PPARA: variants seen among roughly 807,000 people sequenced by gnomAD.
PPARA encodes peroxisome proliferator-activated receptor alpha.
In PPARA, 22 loss-of-function variants were observed where a neutral mutation model predicts 42.2. The observed-to-expected ratio is 0.52, with a 90% CI of 0.37 to 0.74. The LOEUF (loss-of-function observed/expected upper bound fraction) is 0.74. Ranked by LOEUF, PPARA falls within the 30% of genes least tolerant of loss-of-function variation. The probability of loss-of-function intolerance (pLI) is 0.00; values close to 1 mark genes in which losing one functional copy is unlikely to be tolerated. For missense variants in PPARA, 465 were observed against 608.2 expected, an observed-to-expected ratio of 0.76 and a Z score of 2.48; for synonymous variants, 242 against 239.3, an observed-to-expected ratio of 1.01 and a Z score of -0.10.
intron 7 of PPARA, among the ~76,000 whole-genome samples, chr22:46,223,810 C>G (rs545897718): frequency 7.9e-5 from 12 of 151,194 alleles, no homozygotes; most frequent in Admixed American, 4.6e-4. Context: ...ATTAGCCGGG[C>G]ATGGCAGTGT....
intron 4 of PPARA, among the ~76,000 whole-genome samples, chr22:46,207,651 TTATTA>T (rs1569228022): frequency 4.9e-4 from 52 of 105,918 alleles, no homozygotes; most frequent in African/African-American, 2.5e-3. Flanking sequence ...TAATTTATTA[TTATTA>T]TTATTATTAT....
At chr22:46,152,303 T>A (rs1924566354) in intron 2 of PPARA, among the ~76,000 whole-genome samples, 1 of 152,100 alleles carries the variant, frequency 6.6e-6, no homozygotes, top group African/African-American at 2.4e-5. Flanking sequence ...CATGCCCAGC[T>A]AATTTTTGTA....
chr22:46,229,087 A>T (rs953836364), intron 7 of PPARA, among the ~76,000 whole-genome samples: 3 of 149,916 alleles, frequency 2.0e-5, no homozygotes, highest in African/African-American at 7.6e-5. Flanking sequence ...AGCCTGGGCA[A>T]CAGAGCGAGA....
At chr22:46,155,913 A>G (rs1925237271) in intron 2 of PPARA, 1 of 152,254 alleles carries the variant, frequency 6.6e-6, no homozygotes, top group South Asian at 2.1e-4. Flanking sequence ...AGCACCATGC[A>G]GGCATATTTT....
rs1308721566 is a variant in PPARA, at chr22:46,190,248, G to T, written c.-42-8094G>T. On this transcript the variant is annotated intron_variant, in intron 3 of 8. Coordinates refer to ENST00000407236, the MANE Select transcript of PPARA (RefSeq NM_005036.6). This position sits in a 1 kb window ranked among gnomAD's most constrained non-coding sequence, Gnocchi z 5.6. Reference sequence around the variant, plus strand: ...CCCAGCAACACTACTCGTTTGAGAAGACTTCCATCCTTTACCCTCAAAGTG... The same window carrying T: ...CCCAGCAACACTACTCGTTTGAGAATACTTCCATCCTTTACCCTCAAAGTG... Among the ~76,000 whole-genome samples, 1 of 152,214 alleles carries T rather than the reference G, an allele frequency of 6.6e-6. No homozygotes were observed. The highest frequency in any genetic ancestry group is 1.9e-4 in the East Asian group (1 of 5,196).
At chr22:46,197,119 G>A (rs1421773488) in intron 3 of PPARA, among the ~76,000 whole-genome samples, 2 of 148,766 alleles carry the variant, frequency 1.3e-5, no homozygotes, top group Non-Finnish European at 3.0e-5. Context: ...GCACCATCTC[G>A]GCTCACTGCA....
chr22:46,151,408 C>T (rs1349184556), intron 1 of PPARA, among the ~76,000 whole-genome samples: 1 of 152,210 alleles, frequency 6.6e-6, no homozygotes, highest in African/African-American at 2.4e-5. Flanking sequence ...CTGCGCGGCC[C>T]GCGTGGTGCG....
rs1365396761 is a variant in PPARA, at chr22:46,222,076, C to G, written c.711+2062C>G. On this transcript the variant is annotated intron_variant, in intron 7 of 8. Transcript: ENST00000407236. The surrounding 1 kb of genome is among the most constrained non-coding windows in gnomAD (Gnocchi z 5.9). ...TGGGCAACAGAGTGAGACTCTGTCT[C>G]AAAAAAAAAAAGAAAGGAAAAGAAA... Among the ~76,000 whole-genome samples, 1 of 140,966 alleles carries G rather than the reference C, an allele frequency of 7.1e-6. No homozygotes were observed. Among genetic ancestry groups the G allele is most frequent in the African/African-American group, 2.6e-5 (1 of 38,494 alleles). The allele number at this position is 140,966 out of a possible 152,430, so 92.5% of individuals were successfully genotyped here.
Position 46,150,736 on chromosome 22 carries a change from G to T in PPARA, c.-210+84G>T, listed in dbSNP as rs1439469727. On this transcript the variant is annotated intron_variant, in intron 1 of 8. Transcript: ENST00000407236. This position sits in a 1 kb window ranked among gnomAD's most constrained non-coding sequence, Gnocchi z 7.5. ...CTTCCCAGGTCCCGGGACCCGGAGGGCGGCGGACGGGGGAGGGGCAGGGGC... is the reference window on the plus strand; with the variant it reads ...CTTCCCAGGTCCCGGGACCCGGAGGTCGGCGGACGGGGGAGGGGCAGGGGC... 4 of 150,400 alleles carry T rather than the reference G, an allele frequency of 2.7e-5. No homozygotes were observed. The East Asian group carries it at 7.9e-4, about 30-fold the overall frequency. 9.3% of individuals were successfully genotyped at this position (150,400 alleles called of 1,614,324 possible).
rs1428715592 is a variant in PPARA at position 46,173,934 on chromosome 22, G to GTAATCCCAGCACTT, written c.-126-2818_-126-2817insAATCCCAGCACTTT. 1.6e-3 allele frequency among the ~76,000 whole-genome samples: 239 copies of GTAATCCCAGCACTT among 152,106 alleles called. No individual in the cohort carries two copies. The highest frequency in any genetic ancestry group is 5.5e-3 in the African/African-American group (226 of 41,456). ...AGAAAGAAATTATGGGCTAGGTGCA[G>GTAATCCCAGCACTT]TGGCTCATGCCTGTAATCCCAGCAC... On this transcript the variant is annotated intron_variant, in intron 2 of 8. Transcript: ENST00000407236. This position sits in a 1 kb window ranked among gnomAD's most constrained non-coding sequence, Gnocchi z 4.3.
intron 3 of PPARA, among the ~76,000 whole-genome samples, chr22:46,189,536 T>A (rs986916238): frequency 2.1e-4 from 32 of 152,202 alleles, no homozygotes; most frequent in African/African-American, 7.7e-4. Context: ...GCAAACTATT[T>A]ATGATGTATT....
rs1217596958 is a variant in PPARA, at chr22:46,211,983, C to T, written c.209-3190C>T. ...TTGGGATTACAGGCGTGAGCCACCA[C>T]ACCCGGTCTCTCTCCTTCCTTTCCT... On this transcript the variant is annotated intron_variant, in intron 4 of 8. Coordinates refer to ENST00000407236, the MANE Select transcript of PPARA (RefSeq NM_005036.6). This position sits in a 1 kb window ranked among gnomAD's most constrained non-coding sequence, Gnocchi z 4.1. Among the ~76,000 whole-genome samples, 2 of 151,344 alleles carry T rather than the reference C, an allele frequency of 1.3e-5. No homozygotes were observed. The highest frequency in any genetic ancestry group is 2.9e-5 in the Non-Finnish European group (2 of 67,852).
rs1301580319 is a variant in PPARA at position 46,233,814 on chromosome 22, CAA to C, written c.1160-1316_1160-1315del. Among the ~76,000 whole-genome samples, 1 of 150,202 alleles carries C rather than the reference CAA, an allele frequency of 6.7e-6. No individual in the cohort carries two copies. Among genetic ancestry groups the C allele is most frequent in the Non-Finnish European group, 1.5e-5 (1 of 67,600 alleles). On this transcript the variant is annotated intron_variant, in intron 8 of 8. Coordinates refer to ENST00000407236, the MANE Select transcript of PPARA (RefSeq NM_005036.6). The surrounding 1 kb of genome is among the most constrained non-coding windows in gnomAD (Gnocchi z 7.3). ...ATTATGAGGGGGGATTTCTATTTTT[CAA>C]AAGATTCCTCCTTTTTTTTTTTTTT...
At position 46,162,726 on chromosome 22, in the gene PPARA, C is replaced by T. The variant is rs572148024; in HGVS notation, c.-127+10756C>T. On this transcript the variant is annotated intron_variant, in intron 2 of 8. Coordinates refer to ENST00000407236, the MANE Select transcript of PPARA (RefSeq NM_005036.6). The surrounding 1 kb of genome is among the most constrained non-coding windows in gnomAD (Gnocchi z 6.0). ...GGAGCCTGTGGCTCCTGCCGGGTAC[C>T]CACCGGTTGAGATACCTCAAGTTTT... 2.0e-5 allele frequency among the ~76,000 whole-genome samples: 3 copies of T among 152,122 alleles called. No individual in the cohort carries two copies. The highest frequency in any genetic ancestry group is 4.4e-5 in the Non-Finnish European group (3 of 68,032).
At position 46,161,919 on chromosome 22, in the gene PPARA, C is replaced by T. The variant is rs1441054565; in HGVS notation, c.-127+9949C>T. Among the ~76,000 whole-genome samples, 1 of 152,196 alleles carries T rather than the reference C, an allele frequency of 6.6e-6. No homozygotes were observed. The highest frequency in any genetic ancestry group is 1.5e-5 in the Non-Finnish European group (1 of 68,044). On this transcript the variant is annotated intron_variant, in intron 2 of 8. Transcript: ENST00000407236. The surrounding 1 kb of genome is among the most constrained non-coding windows in gnomAD (Gnocchi z 4.8). ...ACCTTTGTGAGCTTGAAACCTGTCA[C>T]CCACCCGCCTTCCAGATGTCACCTG...
rs1935231189 is a variant in PPARA, at chr22:46,224,274, CA to C, written c.711+4261del. 6.6e-6 allele frequency among the ~76,000 whole-genome samples: 1 copy of C among 152,068 alleles called. No homozygotes were observed. Among genetic ancestry groups the C allele is most frequent in the Non-Finnish European group, 1.5e-5 (1 of 68,010 alleles). ...ACGGGCTTTCCAGAGCTGGCTCCTTCAGGTGCAGGATACCCTCTCTGCTTAG... is the reference window on the plus strand; with the variant it reads ...ACGGGCTTTCCAGAGCTGGCTCCTTCGGTGCAGGATACCCTCTCTGCTTAG... On this transcript the variant is annotated intron_variant, in intron 7 of 8. Coordinates refer to ENST00000407236, the MANE Select transcript of PPARA (RefSeq NM_005036.6). This position sits in a 1 kb window ranked among gnomAD's most constrained non-coding sequence, Gnocchi z 5.7.
rs535994343 is a variant in PPARA at position 46,182,635 on chromosome 22, G to T, written c.-43+5799G>T. 5.9e-5 allele frequency among the ~76,000 whole-genome samples: 9 copies of T among 152,254 alleles called. No homozygotes were observed. In the South Asian group the frequency reaches 1.0e-3, roughly 18 times the overall value. The stretch of plus-strand genomic sequence containing the variant: ...TGCGTACTGTCTCGGCTATGATAGT[G>T]GTTTCACAGGTTGATACATACGGCA... On this transcript the variant is annotated intron_variant, in intron 3 of 8. Coordinates refer to ENST00000407236, the MANE Select transcript of PPARA (RefSeq NM_005036.6). This position sits in a 1 kb window ranked among gnomAD's most constrained non-coding sequence, Gnocchi z 5.2.
chr22:46,170,878 A>G (rs1194107844), intron 2 of PPARA, among the ~76,000 whole-genome samples: 1 of 151,520 alleles, frequency 6.6e-6, no homozygotes, highest in African/African-American at 2.4e-5. Context: ...TACAGAGGCC[A>G]GGGCTGGGTG....
chr22:46,155,016 A>AC, intron 2 of PPARA: 1 of 144,238 alleles, frequency 6.9e-6, no homozygotes, highest in Non-Finnish European at 1.5e-5. Context: ...AAAAAAAAAA[A>AC]AAAAAAAAAA....
Sources: gnomAD v4.1 joint callset for allele counts (sites outside exome capture counted in the v4.1 genomes callset) on GRCh38, gnomAD v4.1.1 for gene constraint, Gnocchi (gnomAD v3.1) non-coding constraint, MANE v1.5 for transcripts, NCBI Gene and HGNC (gene_info 2026-07-23, HGNC 2026-07-21) for gene names.